Variants in IRF2 observed in about 807,000 individuals in gnomAD.
IRF2 encodes interferon regulatory factor 2.
In IRF2, 15 loss-of-function variants were observed where a neutral mutation model predicts 40.6. The ratio of observed to expected loss-of-function variants is 0.37; its 90% CI spans 0.25 to 0.57. IRF2 has a LOEUF of 0.57. Ranked by LOEUF, IRF2 falls within the 20% of genes least tolerant of loss-of-function variation. The pLI is 0.77. For missense variants in IRF2, 317 were observed against 455.7 expected (o/e 0.70, Z 2.77); for synonymous variants, 151 against 165.5 (o/e 0.91, Z 0.67).
At chr4:184,464,682 G>A (rs996313436) in intron 1 of IRF2, among the ~76,000 whole-genome samples, 8 of 152,072 alleles carry the variant, frequency 5.3e-5, no homozygotes, top group Non-Finnish European at 1.2e-4. Context: ...CAAGGTGCTG[G>A]GAAGACGTAT....
At position 184,408,326 on chromosome 4, in the gene IRF2, T is replaced by G. The variant is rs369227415; in HGVS notation, c.412-51A>C. The G allele has an allele frequency of 6.2e-6, 7 of 1,127,048 alleles. No individual in the cohort carries two copies. The highest frequency in any genetic ancestry group is 6.2e-5 in the African/African-American group (4 of 64,962). The allele number at this position is 1,127,048 out of a possible 1,614,324, so 69.8% of individuals were successfully genotyped here. On this transcript the variant is annotated intron_variant, in intron 5 of 8. Coordinates refer to ENST00000393593, the MANE Select transcript of IRF2 (RefSeq NM_002199.4). The surrounding 1 kb of genome is among the most constrained non-coding windows in gnomAD (Gnocchi z 4.9). ...TTGAGAACACTTCCTTTCCCCTCCC[T>G]TCTCTTAGCTGAAATTCTACCCTCT...
At chr4:184,421,150 T>C (rs912803917) in intron 2 of IRF2, among the ~76,000 whole-genome samples, 23 of 152,142 alleles carry the variant, frequency 1.5e-4, no homozygotes, top group Admixed American at 1.4e-3. Context: ...TCTCACATAG[T>C]GAAACACAGA....
At chr4:184,436,040 G>A (rs113579008) in intron 1 of IRF2, among the ~76,000 whole-genome samples, 2,030 of 149,486 alleles carry the variant, frequency 0.014, 33 homozygotes, top group Non-Finnish European at 0.019. Context: ...GCAGTGGCTC[G>A]AACTCGACTC....
chr4:184,389,021 G>C lies in IRF2; in HGVS notation c.787C>G (p.Leu263Val). Residue 263 changes from leucine to valine, a missense_variant, in exon 9 of 9, where the codon CTC becomes GTC. Leu to Val is a conservative substitution (Grantham distance 32, BLOSUM62 1). Around this residue, in one of 2 missense-constraint regions of IRF2, gnomAD observed 262 missense variants for 334.0 expected, o/e 0.78. Transcript: ENST00000393593. ...RKRNIEGKQY[L>V]SNMGTRGSYL... is the part of the protein sequence containing the mutation. ...GAGCCTCGAGTCCCCATGTTGCTGA[G>C]GTACTGTTTGCCTTCAATATTCCTC... 1 of 1,614,212 alleles carries C rather than the reference G, an allele frequency of 6.2e-7. No individual in the cohort carries two copies. Among genetic ancestry groups the C allele is most frequent in the South Asian group, 1.1e-5 (1 of 91,086 alleles).
chr4:184,398,014 G>C (rs1373697210), intron 7 of IRF2, among the ~76,000 whole-genome samples: 9 of 152,120 alleles, frequency 5.9e-5, no homozygotes, highest in Non-Finnish European at 1.3e-4. Context: ...ATTGGAAATG[G>C]CTCAGTCATC....
chr4:184,389,962 A>C (rs1201439481), intron 8 of IRF2, among the ~76,000 whole-genome samples: 1 of 152,226 alleles, frequency 6.6e-6, no homozygotes, highest in East Asian at 1.9e-4. Context: ...CTAGAGCTGC[A>C]ACCTTGAAGA....
chr4:184,445,709 C>T (rs1738482326), intron 1 of IRF2, among the ~76,000 whole-genome samples: 2 of 151,766 alleles, frequency 1.3e-5, no homozygotes, highest in Admixed American at 1.3e-4. Context: ...GAACATTCTT[C>T]TCAAAACAAC....
At chr4:184,456,694 C>T (rs1450579213) in intron 1 of IRF2, among the ~76,000 whole-genome samples, 1 of 151,524 alleles carries the variant, frequency 6.6e-6, no homozygotes, top group Admixed American at 6.6e-5. Context: ...CCTGCAGGCG[C>T]CTCTGTGTCT....
At position 184,448,232 on chromosome 4, in the gene IRF2, C is replaced by A. The variant is rs1004965645; in HGVS notation, c.-6-19162G>T. 6.6e-6 allele frequency among the ~76,000 whole-genome samples: 1 copy of A among 152,148 alleles called. No individual in the cohort carries two copies. Among genetic ancestry groups the A allele is most frequent in the Non-Finnish European group, 1.5e-5 (1 of 68,044 alleles). ...GACGACGACAGCCTTTCTGCAAATA[C>A]AACAAACTCTAGGAAACCCCCTTTG... On this transcript the variant is annotated intron_variant, in intron 1 of 8. Transcript: ENST00000393593. The surrounding 1 kb of genome is among the most constrained non-coding windows in gnomAD (Gnocchi z 4.3).
chr4:184,411,091 A>G (rs1044412886), intron 5 of IRF2, among the ~76,000 whole-genome samples: 2 of 145,956 alleles, frequency 1.4e-5, no homozygotes, highest in Non-Finnish European at 3.0e-5. Context: ...GGGGTGTCAC[A>G]CTATCACCCA....
Position 184,464,430 on chromosome 4 carries a change from G to T in IRF2, c.-7+9949C>A, listed in dbSNP as rs180985015. On this transcript the variant is annotated intron_variant, in intron 1 of 8. Coordinates refer to ENST00000393593, the MANE Select transcript of IRF2 (RefSeq NM_002199.4). ...GGGATATGAATATAGGAGCCATATA[G>T]GATATGAAAATAGCGACTGTATAGC... 7.2e-4 allele frequency among the ~76,000 whole-genome samples: 109 copies of T among 151,404 alleles called. 2 individuals are homozygous for T. The highest frequency in any genetic ancestry group is 2.2e-3 in the African/African-American group (91 of 41,222).
intron 7 of IRF2, among the ~76,000 whole-genome samples, chr4:184,398,242 C>T (rs1019585510): frequency 3.3e-5 from 5 of 152,138 alleles, no homozygotes; most frequent in Non-Finnish European, 7.4e-5. Flanking sequence ...AGGTCCTATC[C>T]AGCCTGCTCA....
At chr4:184,469,529 G>A (rs1352500796) in intron 1 of IRF2, among the ~76,000 whole-genome samples, 2 of 152,118 alleles carry the variant, frequency 1.3e-5, no homozygotes, top group Admixed American at 6.6e-5. Flanking sequence ...AATGTATGTC[G>A]GGCTTTGGGG....
intron 6 of IRF2, among the ~76,000 whole-genome samples, chr4:184,406,731 G>A (rs1426458542): frequency 6.6e-6 from 1 of 152,136 alleles, no homozygotes; most frequent in Non-Finnish European, 1.5e-5. Context: ...GCCCTCGTGG[G>A]GACCCTAACA....
intron 5 of IRF2, among the ~76,000 whole-genome samples, chr4:184,411,945 T>C (rs976178940): frequency 1.0e-4 from 15 of 148,828 alleles, no homozygotes; most frequent in East Asian, 2.0e-4. Context: ...GAGACTCTTC[T>C]GTAAATCAAG....
intron 6 of IRF2, chr4:184,407,125 A>G (rs1327483235): frequency 2.5e-6 from 3 of 1,220,036 alleles, no homozygotes; most frequent in African/African-American, 3.1e-5. Context: ...CCGCACCTGC[A>G]AACTTTTTAC....
rs114195246 is a variant in IRF2, at chr4:184,426,892, C to G, written c.87+2086G>C. ...CCTTGTTCCTCAAAACAGAATCTTA[C>G]TTAACCTCTCTGTGCCTTGGTTTCC... On this transcript the variant is annotated intron_variant, in intron 2 of 8. Coordinates refer to ENST00000393593, the MANE Select transcript of IRF2 (RefSeq NM_002199.4). 5.7e-3 allele frequency among the ~76,000 whole-genome samples: 871 copies of G among 152,344 alleles called. 11 individuals carry two copies. Among genetic ancestry groups the G allele is most frequent in the African/African-American group, 0.019 (806 of 41,564 alleles).
chr4:184,401,752 G>C (rs953091708), intron 6 of IRF2, among the ~76,000 whole-genome samples: 20 of 152,230 alleles, frequency 1.3e-4, no homozygotes, highest in Admixed American at 6.5e-5. Flanking sequence ...GAGAGTTTGA[G>C]GAGGGAGGGC....
chr4:184,428,607 G>C lies in IRF2; in HGVS notation c.87+371C>G, dbSNP rs1223180741. 1.7e-5 allele frequency: 7 copies of C among 414,596 alleles called. No homozygotes were observed. In the Admixed American group the frequency reaches 1.8e-4, roughly 11 times the overall value. 25.7% of individuals were successfully genotyped at this position (414,596 alleles called of 1,614,324 possible). A position where few individuals can be genotyped will look rare whatever the true frequency, so the allele number is the denominator to read the frequency against. ...CAGCCCAGGAGTTCAAGACCAGCCT[G>C]GGCAACATGGCGAGATCCCAGCTCT... is the stretch of plus-strand genomic sequence containing the variant. On this transcript the variant is annotated intron_variant, in intron 2 of 8. Coordinates refer to ENST00000393593, the MANE Select transcript of IRF2 (RefSeq NM_002199.4).
Sources: gnomAD v4.1 joint callset for allele counts (sites outside exome capture counted in the v4.1 genomes callset) on GRCh38, gnomAD v4.1.1 for gene constraint, gnomAD v4.1.1 regional missense constraint, Gnocchi (gnomAD v3.1) non-coding constraint, MANE v1.5 for transcripts, NCBI Gene and HGNC (gene_info 2026-07-23, HGNC 2026-07-21) for gene names.